The following FAM163A variants were observed in gnomAD, a reference collection of about 807,000 sequenced individuals.
The protein encoded by FAM163A is family with sequence similarity 163 member A.
In FAM163A, 7 loss-of-function variants were observed where a neutral mutation model predicts 12.0. The observed-to-expected ratio is 0.58, with a 90% CI of 0.33 to 1.10. The LOEUF (loss-of-function observed/expected upper bound fraction) is 1.10, where lower values mean the gene tolerates loss of function less well. Ranked by LOEUF, FAM163A falls within the 50% of genes least tolerant of loss-of-function variation. The probability of loss-of-function intolerance (pLI) is 0.03; values close to 1 mark genes in which losing one functional copy is unlikely to be tolerated. For missense variants in FAM163A, 202 were observed against 218.6 expected (o/e 0.92, Z 0.48); for synonymous variants, 101 against 91.0 (o/e 1.11, Z -0.62).
chr1:179,799,918 A>T (rs77936293), intron 1 of FAM163A, among the ~76,000 whole-genome samples: 2 of 152,358 alleles, frequency 1.3e-5, no homozygotes, highest in African/African-American at 4.8e-5. Flanking sequence ...GAGGCCTGGA[A>T]GGATCAGAAA....
At chr1:179,780,101 T>A (rs2148170783) in intron 1 of FAM163A, among the ~76,000 whole-genome samples, 1 of 152,332 alleles carries the variant, frequency 6.6e-6, no homozygotes, top group East Asian at 1.9e-4. Context: ...CCAGGCAGGT[T>A]CATGTGAATA....
intron 1 of FAM163A, among the ~76,000 whole-genome samples, chr1:179,769,526 C>A (rs1332916909): frequency 6.6e-6 from 1 of 152,196 alleles, no homozygotes; most frequent in Non-Finnish European, 1.5e-5. Flanking sequence ...AAGAACTCAG[C>A]AGATTATTGC....
intron 1 of FAM163A, among the ~76,000 whole-genome samples, chr1:179,795,980 T>TATTATTATTATTATTATTATTATTA (rs1553226055): frequency 5.3e-5 from 8 of 150,666 alleles, no homozygotes; most frequent in African/African-American, 9.8e-5. Context: ...TTATTATTAT[T>TATTATTATTATTATTATTATTATTA]TTACAACTGT....
At chr1:179,741,935 C>T (rs186098021), upstream of FAM163A, 1 of 152,140 alleles carries the variant, frequency 6.6e-6, no homozygotes, top group African/African-American at 2.4e-5. Flanking sequence ...TATGAAGGTA[C>T]GTTGTTTTCA....
intron 1 of FAM163A, among the ~76,000 whole-genome samples, chr1:179,756,517 G>C (rs976906430): frequency 6.6e-6 from 1 of 152,168 alleles, no homozygotes; most frequent in African/African-American, 2.4e-5. Context: ...AAGTACTCTG[G>C]GGGAAAGAGC....
intron 3 of FAM163A, 83 bp downstream of exon 3, chr1:179,812,214 T>TGG (rs1694794227): frequency 6.5e-6 from 1 of 152,696 alleles, no homozygotes; most frequent in Non-Finnish European, 1.5e-5. Context: ...CCAATGCACC[T>TGG]GGGAGGCTCA....
chr1:179,813,821 G>A lies in FAM163A; in HGVS notation c.136G>A (p.Glu46Lys). The stretch of plus-strand genomic sequence containing the variant: ...GAGCGGAACCGAGGTTGCAGACGAG[G>A]AGGAGGAGCGGGAGCACGACCTTCC... ...KKSGTEVADE[E>K]EEREHDLPTH... is the part of the protein sequence containing the mutation. Residue 46 changes from glutamate (E) to lysine (K), a missense_variant, in exon 5 of 5, where the codon GAG becomes AAG. Glu to Lys is a moderately conservative substitution (Grantham distance 56, BLOSUM62 1). Transcript: ENST00000341785. The A allele has an allele frequency of 1.2e-6, 2 of 1,614,032 alleles. No individual in the cohort carries two copies. Among genetic ancestry groups the A allele is most frequent in the Non-Finnish European group, 1.7e-6 (2 of 1,180,024 alleles).
At chr1:179,789,571 A>G (rs891795387) in intron 1 of FAM163A, among the ~76,000 whole-genome samples, 2 of 152,204 alleles carry the variant, frequency 1.3e-5, no homozygotes, top group African/African-American at 4.8e-5. Flanking sequence ...CTTGGATCCT[A>G]TCATCCAACC....
At chr1:179,790,940 A>G (rs1691390296) in intron 1 of FAM163A, among the ~76,000 whole-genome samples, 2 of 152,262 alleles carry the variant, frequency 1.3e-5, no homozygotes, top group South Asian at 4.2e-4. Context: ...CCAGGGAGAA[A>G]AGAACAGAAC....
At position 179,815,114 on chromosome 1, in the gene FAM163A, G is replaced by GACACACAC. The variant is rs5779040; in HGVS notation, c.*955_*962dup. 1 of 129,872 alleles carries GACACACAC rather than the reference G, an allele frequency of 7.7e-6. No individual in the cohort carries two copies. Among genetic ancestry groups the GACACACAC allele is most frequent in the Non-Finnish European group, 1.6e-5 (1 of 64,282 alleles). 8.0% of individuals were successfully genotyped at this position (129,872 alleles called of 1,614,324 possible). On this transcript the variant is annotated 3_prime_UTR_variant, in exon 5 of 5. Coordinates refer to ENST00000341785, the MANE Select transcript of FAM163A (RefSeq NM_173509.3). Reference sequence around the variant, plus strand: ...GTACGCACGCGCGCGCGCGCGCACAGACACACACACACACACACACACACA... The same window carrying GACACACAC: ...GTACGCACGCGCGCGCGCGCGCACAGACACACACACACACACACACACACACACACACA...
intron 1 of FAM163A, among the ~76,000 whole-genome samples, chr1:179,804,961 G>GT (rs1349385763): frequency 6.6e-6 from 1 of 152,114 alleles, no homozygotes; most frequent in Non-Finnish European, 1.5e-5. Context: ...TAAAATAAAA[G>GT]TTTTTTAAAA....
chr1:179,739,101 G>A (rs1683330506), upstream of FAM163A, among the ~76,000 whole-genome samples: 1 of 151,910 alleles, frequency 6.6e-6, no homozygotes, highest in Admixed American at 6.6e-5. Flanking sequence ...GACCTTATTA[G>A]GCAAGAAGAA....
chr1:179,794,206 C>T (rs1379607065), intron 1 of FAM163A, among the ~76,000 whole-genome samples: 2 of 152,230 alleles, frequency 1.3e-5, no homozygotes, highest in African/African-American at 4.8e-5. Context: ...CTTTGCTGCA[C>T]AGTTTAAGGA....
intron 1 of FAM163A, among the ~76,000 whole-genome samples, chr1:179,757,637 C>T (rs1488019334): frequency 6.6e-6 from 1 of 152,036 alleles, no homozygotes; most frequent in African/African-American, 2.4e-5. Flanking sequence ...CATGGTGAAA[C>T]TCCATCTCTA....
chr1:179,751,990 T>G (rs2147990166), intron 1 of FAM163A, among the ~76,000 whole-genome samples: 1 of 152,140 alleles, frequency 6.6e-6, no homozygotes, highest in East Asian at 1.9e-4. Flanking sequence ...AGACCCCAAA[T>G]AGCCAAAATC....
chr1:179,776,464 C>A (rs796514405), intron 1 of FAM163A, among the ~76,000 whole-genome samples: 4 of 148,634 alleles, frequency 2.7e-5, no homozygotes, highest in African/African-American at 9.9e-5. Context: ...GCACTCCAGC[C>A]AGGACGAAAG....
chr1:179,790,128 G>A (rs182930113), intron 1 of FAM163A, among the ~76,000 whole-genome samples: 1 of 151,786 alleles, frequency 6.6e-6, no homozygotes, highest in East Asian at 1.9e-4. Flanking sequence ...GGTACAGAAA[G>A]CAGTGTCAAA....
At chr1:179,813,013 C>G (rs1281429897) in intron 3 of FAM163A, 63 bp from the exon 4 acceptor site, 1 of 1,449,846 alleles carries the variant, frequency 6.9e-7, no homozygotes, top group South Asian at 1.2e-5. Context: ...CAGGAAGACT[C>G]CCCCCGGCCC....
intron 1 of FAM163A, among the ~76,000 whole-genome samples, chr1:179,780,432 G>A (rs370523336): frequency 6.6e-6 from 1 of 152,196 alleles, no homozygotes; most frequent in African/African-American, 2.4e-5. Flanking sequence ...AACCTTATCA[G>A]TTAGCCTAAA....
Sources: allele counts gnomAD v4.1 joint callset (sites outside exome capture counted in the v4.1 genomes callset), GRCh38; gene constraint gnomAD v4.1.1; transcripts MANE v1.5; gene names NCBI Gene and HGNC (gene_info 2026-07-23, HGNC 2026-07-21).